The following PRKDC variants were observed in gnomAD, a reference collection of about 807,000 sequenced individuals.
PRKDC encodes the protein protein kinase, DNA-activated, catalytic subunit.
In PRKDC, 82 loss-of-function variants were observed where a neutral mutation model predicts 486.9. That is an observed-to-expected ratio of 0.17 (90% CI 0.14 to 0.20). PRKDC has a LOEUF of 0.20. Ranked by LOEUF, PRKDC falls within the 10% of genes least tolerant of loss-of-function variation. PRKDC has a pLI of 1.00. For synonymous variants in PRKDC, 1,895 were observed against 1,837.0 expected (o/e 1.03, Z -0.81); for missense variants, 4,504 against 5,038.2 (o/e 0.89, Z 3.21).
intron 11 of PRKDC, among the ~76,000 whole-genome samples, chr8:47,937,797 A>G (rs1291757753): frequency 6.6e-6 from 1 of 152,242 alleles, no homozygotes; most frequent in African/African-American, 2.4e-5. Context: ...AGTCGCCAAC[A>G]GAGACAAATG....
At chr8:47,844,543 A>G (rs2088222428) in intron 54 of PRKDC, among the ~76,000 whole-genome samples, 2 of 152,212 alleles carry the variant, frequency 1.3e-5, no homozygotes, top group South Asian at 4.1e-4. Flanking sequence ...AATCGGACCC[A>G]ATACATCTAC....
chr8:47,856,508 G>C (rs376197556), intron 49 of PRKDC, among the ~76,000 whole-genome samples: 1 of 152,238 alleles, frequency 6.6e-6, no homozygotes, highest in East Asian at 1.9e-4. Context: ...GGGATTACAG[G>C]TGTGAGCCAT....
chr8:47,872,913 T>C (rs567339678), intron 40 of PRKDC, among the ~76,000 whole-genome samples: 2 of 152,232 alleles, frequency 1.3e-5, no homozygotes, highest in Non-Finnish European at 2.9e-5. Flanking sequence ...AGAAACATCA[T>C]ACTCAATCAG....
chr8:47,816,071 G>T (rs754751840), intron 68 of PRKDC, among the ~76,000 whole-genome samples: 1 of 152,066 alleles, frequency 6.6e-6, no homozygotes, highest in Admixed American at 6.6e-5. Context: ...AAATTTAGCC[G>T]GGCATGGTAG....
chr8:47,939,481 G>A, intron 11 of PRKDC, 70 bp downstream of exon 11: 1 of 1,508,608 alleles, frequency 6.6e-7, no homozygotes, highest in African/African-American at 1.4e-5. Context: ...TATTCAAAAT[G>A]CAATGAATTA....
chr8:47,793,683 T>TAAAAAAAAAAAAAAAAAAAAA (rs397892514), intron 74 of PRKDC, among the ~76,000 whole-genome samples: 1 of 72,810 alleles, frequency 1.4e-5, no homozygotes, highest in East Asian at 3.9e-4. Flanking sequence ...TTAAAAAAAC[T>TAAAAAAAAAAAAAAAAAAAAA]AAAAAAAAAA....
chr8:47,790,494 TAC>T (rs1198144699), intron 74 of PRKDC, among the ~76,000 whole-genome samples: 1 of 152,172 alleles, frequency 6.6e-6, no homozygotes, highest in Non-Finnish European at 1.5e-5. Flanking sequence ...CAAAGCAATC[TAC>T]AGAGTCAACA....
intron 23 of PRKDC, among the ~76,000 whole-genome samples, chr8:47,914,962 C>T (rs1167807342): frequency 2.6e-5 from 4 of 152,022 alleles, no homozygotes; most frequent in Non-Finnish European, 5.9e-5. Flanking sequence ...GCCTACTAAT[C>T]AAAAATGGTA....
chr8:47,788,149 T>C (rs1589695724), intron 76 of PRKDC, among the ~76,000 whole-genome samples: 1 of 152,296 alleles, frequency 6.6e-6, no homozygotes, highest in African/African-American at 2.4e-5. Flanking sequence ...ACAGAGAGAT[T>C]GTAAAGTAAG....
chr8:47,913,645 G>A (rs1032629649), intron 24 of PRKDC, among the ~76,000 whole-genome samples: 5 of 152,016 alleles, frequency 3.3e-5, no homozygotes, highest in African/African-American at 7.3e-5. Flanking sequence ...TGCCTGCCTC[G>A]GCCTCCCAAA....
At chr8:47,814,721 C>CT (rs1563748326) in intron 68 of PRKDC, among the ~76,000 whole-genome samples, 1 of 152,118 alleles carries the variant, frequency 6.6e-6, no homozygotes, top group South Asian at 2.1e-4. Context: ...CTCGATAACT[C>CT]TATATTGTTA....
intron 25 of PRKDC, among the ~76,000 whole-genome samples, chr8:47,907,475 A>T (rs368609172): frequency 2.0e-5 from 3 of 150,652 alleles, no homozygotes; most frequent in African/African-American, 7.3e-5. Flanking sequence ...TCATCCCTCT[A>T]CAATCCTACA....
chr8:47,899,780 G>A (rs1300765846), intron 28 of PRKDC, among the ~76,000 whole-genome samples: 1 of 152,170 alleles, frequency 6.6e-6, no homozygotes, highest in Non-Finnish European at 1.5e-5. Context: ...GGACCAACGG[G>A]GAGTTAAGAA....
At chr8:47,825,410 G>A (rs1326785206) in intron 63 of PRKDC, among the ~76,000 whole-genome samples, 4 of 149,200 alleles carry the variant, frequency 2.7e-5, no homozygotes, top group East Asian at 2.0e-4. Context: ...TTGGGAGGCT[G>A]AGGCAGGAGA....
Position 47,778,648 on chromosome 8 carries a change from C to T in PRKDC, c.11664G>A (p.Val3888=). Residue 3888 remains valine, a synonymous_variant, in exon 83 of 86, where the codon GTG becomes GTA. Coordinates refer to ENST00000314191, the MANE Select transcript of PRKDC (RefSeq NM_006904.7). ...VPADLLKRAF[V]RMSTSPEAFL... is the part of the protein sequence containing the mutation. ...AAGCCTCAGGGCTTGTACTCATCCT[C>T]ACGAAGGCCCGCCTACAAAAGAGAC... is the stretch of plus-strand genomic sequence containing the variant. 1.9e-6 allele frequency: 3 copies of T among 1,613,314 alleles called. No individual in the cohort carries two copies. The highest frequency in any genetic ancestry group is 2.5e-6 in the Non-Finnish European group (3 of 1,179,618).
Position 47,857,211 on chromosome 8 carries a change from A to G in PRKDC, c.6554T>C (p.Met2185Thr), listed in dbSNP as rs2088562558. Residue 2185 changes from methionine (M) to threonine (T), a missense_variant, in exon 49 of 86, where the codon ATG becomes ACG. Physicochemically the swap from Met to Thr is moderately conservative, Grantham distance 81. Coordinates refer to ENST00000314191, the MANE Select transcript of PRKDC (RefSeq NM_006904.7). ...AATAGTGGCCACTATCTCAACCACC[A>G]TGTAGTGAATTCCTTCTCCTCCATT... is the stretch of plus-strand genomic sequence containing the variant. ...ENNGGEGIHY[M>T]VVEIVATILS... 1 of 1,614,016 alleles carries G rather than the reference A, an allele frequency of 6.2e-7. No individual in the cohort carries two copies. Among genetic ancestry groups the G allele is most frequent in the South Asian group, 1.1e-5 (1 of 91,078 alleles).
Position 47,960,103 on chromosome 8 carries a change from C to A in PRKDC, c.24G>T (p.Val8=), listed in dbSNP as rs1157258902. 24 of 1,512,302 alleles carry A rather than the reference C, an allele frequency of 1.6e-5. No individual in the cohort carries two copies. Among genetic ancestry groups the A allele is most frequent in the African/African-American group, 2.8e-5 (2 of 70,420 alleles). 93.7% of individuals were successfully genotyped at this position (1,512,302 alleles called of 1,614,324 possible). A position where few individuals can be genotyped will look rare whatever the true frequency, so the allele number is the denominator to read the frequency against. ...CCTGCAGCCGCAGCAGGGAGCAACG[C>A]ACACCGGCTCCGGAGCCCGCCATGC... The part of the protein sequence containing the change: MAGSGAG[V]RCSLLRLQET... The change falls in exon 1 of 86, where the codon GTG becomes GTT. Residue 8 remains valine (V), a synonymous_variant. Transcript: ENST00000314191.
chr8:47,835,825 T>C (rs2088008791), intron 58 of PRKDC, among the ~76,000 whole-genome samples: 1 of 151,402 alleles, frequency 6.6e-6, no homozygotes, highest in Non-Finnish European at 1.5e-5. Context: ...TGCAGTGGCG[T>C]GATCACAGAT....
intron 68 of PRKDC, among the ~76,000 whole-genome samples, chr8:47,809,592 A>G (rs757525147): frequency 2.0e-5 from 3 of 152,212 alleles, no homozygotes; most frequent in Non-Finnish European, 4.4e-5. Flanking sequence ...AAACAAAGGC[A>G]GAGAAGAGTT....
Sources: allele counts gnomAD v4.1 joint callset (sites outside exome capture counted in the v4.1 genomes callset), GRCh38; gene constraint gnomAD v4.1.1; transcripts MANE v1.5; gene names NCBI Gene and HGNC (gene_info 2026-07-23, HGNC 2026-07-21).